The following CSMD3 variants were observed in gnomAD, a reference collection of about 807,000 sequenced individuals.
CSMD3 encodes CUB and Sushi multiple domains 3, also known as CUB and sushi domain-containing protein 3.
CSMD3 carries 177 observed loss-of-function variants against 435.2 expected under a neutral mutation model. That is an observed-to-expected ratio of 0.41 (90% CI 0.36 to 0.46). The LOEUF is 0.46. Ranked by LOEUF, CSMD3 falls within the 20% of genes least tolerant of loss-of-function variation. The probability of loss-of-function intolerance (pLI) is 0.34; values close to 1 mark genes in which losing one functional copy is unlikely to be tolerated. For synonymous variants in CSMD3, 1,656 were observed against 1,520.5 expected (o/e 1.09, Z -2.07); for missense variants, 4,265 against 4,504.6 (o/e 0.95, Z 1.52).
chr8:113,014,729 C>T (rs2086388491), intron 6 of CSMD3, among the ~76,000 whole-genome samples: 1 of 152,014 alleles, frequency 6.6e-6, no homozygotes, highest in Admixed American at 6.6e-5. Flanking sequence ...TGATCTCAGT[C>T]TTAAGACTCA....
chr8:112,834,560 A>G (rs2079968751), intron 11 of CSMD3, among the ~76,000 whole-genome samples: 1 of 151,706 alleles, frequency 6.6e-6, no homozygotes, highest in Non-Finnish European at 1.5e-5. Context: ...AATGACAACA[A>G]AACTTGTTCA....
chr8:112,224,318 A>G lies in CSMD3; in HGVS notation c.*453T>C, dbSNP rs938794605. ...AATGGCAGATAGAGTGGTATGAAAG[A>G]CAGATTTGTGGGCGTGATGTAGCTC... On this transcript the variant is annotated 3_prime_UTR_variant, in exon 71 of 71. Transcript: ENST00000297405. 1 of 169,110 alleles carries G rather than the reference A, an allele frequency of 5.9e-6. No individual in the cohort carries two copies. Among genetic ancestry groups the G allele is most frequent in the Admixed American group, 5.7e-5 (1 of 17,500 alleles). The allele number at this position is 169,110 out of a possible 1,614,324, so 10.5% of individuals were successfully genotyped here.
rs192325188 is a variant in CSMD3 at position 112,752,826 on chromosome 8, T to C, written c.1972+47336A>G. ...CCTCCAAAAGGACTGAAAATGAAAA[T>C]AGTTTATAAATGTTTCCTATAGTGT... is the stretch of plus-strand genomic sequence containing the variant. On this transcript the variant is annotated intron_variant, in intron 13 of 70. Transcript: ENST00000297405. Among the ~76,000 whole-genome samples, 200 of 151,998 alleles carry C rather than the reference T, an allele frequency of 1.3e-3. 1 individual carries two copies. The highest frequency in any genetic ancestry group is 2.2e-3 in the Non-Finnish European group (152 of 67,966).
intron 27 of CSMD3, among the ~76,000 whole-genome samples, chr8:112,528,732 C>T (rs1825231123): frequency 6.6e-6 from 1 of 152,110 alleles, no homozygotes; most frequent in Non-Finnish European, 1.5e-5. Flanking sequence ...CCAAAACTAG[C>T]AGAGAGATCC....
At chr8:112,766,414 C>T (rs910424121) in intron 13 of CSMD3, among the ~76,000 whole-genome samples, 1 of 151,306 alleles carries the variant, frequency 6.6e-6, no homozygotes, top group African/African-American at 2.4e-5. Flanking sequence ...TTTGCTGTGT[C>T]TTTCTTTATT....
intron 13 of CSMD3, among the ~76,000 whole-genome samples, chr8:112,770,819 C>T (rs1226503895): frequency 6.6e-6 from 1 of 151,782 alleles, no homozygotes; most frequent in Non-Finnish European, 1.5e-5. Context: ...ATAAGAAAAC[C>T]ATTTAGTCAG....
At chr8:113,404,146 T>C (rs1292272165) in intron 1 of CSMD3, among the ~76,000 whole-genome samples, 1 of 151,426 alleles carries the variant, frequency 6.6e-6, no homozygotes, top group Non-Finnish European at 1.5e-5. Flanking sequence ...TTGATCTGCC[T>C]TTTAAAAATC....
chr8:112,822,189 T>C (rs966118370), intron 12 of CSMD3, among the ~76,000 whole-genome samples: 17 of 152,144 alleles, frequency 1.1e-4, no homozygotes, highest in Non-Finnish European at 7.4e-5. Flanking sequence ...CCGTGAATAA[T>C]GTCAATGGTA....
chr8:112,614,584 T>C (rs1041448148), intron 22 of CSMD3, among the ~76,000 whole-genome samples: 1 of 152,134 alleles, frequency 6.6e-6, no homozygotes, highest in Non-Finnish European at 1.5e-5. Context: ...CACTTCAGGA[T>C]GAAGTGAATA....
intron 11 of CSMD3, among the ~76,000 whole-genome samples, chr8:112,841,854 GT>G (rs1347376493): frequency 1.3e-5 from 2 of 151,804 alleles, no homozygotes; most frequent in African/African-American, 2.4e-5. Context: ...TATCATTGAT[GT>G]GGGTGACTTT....
Position 112,282,029 on chromosome 8 carries a change from T to C in CSMD3, c.9332-679A>G, listed in dbSNP as rs1586643069. Reference sequence around the variant, plus strand: ...GTTTAACTATTTGTCAACAATATGTTAATTTTTAAACTATCTGACTTAAAA... The same window carrying C: ...GTTTAACTATTTGTCAACAATATGTCAATTTTTAAACTATCTGACTTAAAA... On this transcript the variant is annotated intron_variant, in intron 58 of 70. Transcript: ENST00000297405. Among the ~76,000 whole-genome samples the C allele has an allele frequency of 3.3e-5, 5 of 152,144 alleles. No individual in the cohort carries two copies. In the South Asian group the frequency reaches 1.0e-3, roughly 31 times the overall value.
At chr8:112,588,352 A>G (rs1375297953) in intron 22 of CSMD3, among the ~76,000 whole-genome samples, 3 of 151,912 alleles carry the variant, frequency 2.0e-5, no homozygotes, top group Admixed American at 6.6e-5. Flanking sequence ...AAATGATCAA[A>G]AAGAAGCACT....
intron 4 of CSMD3, 32 bp from the exon 5 acceptor site, chr8:113,098,995 G>T (rs113875579): frequency 2.9e-6 from 4 of 1,370,414 alleles, no homozygotes; most frequent in African/African-American, 1.4e-5. Context: ...TCAGTTGTAA[G>T]TTATTGAGAT....
At chr8:113,017,994 T>TTTCCA in intron 6 of CSMD3, among the ~76,000 whole-genome samples, 1 of 152,030 alleles carries the variant, frequency 6.6e-6, no homozygotes, top group East Asian at 1.9e-4. Context: ...TGCATTTATG[T>TTTCCA]TTCCATTCCA....
chr8:112,942,136 T>C (rs2083468905), intron 9 of CSMD3, among the ~76,000 whole-genome samples: 1 of 151,302 alleles, frequency 6.6e-6, no homozygotes. Context: ...TGACAACCAG[T>C]GTTTTTTTTT....
chr8:113,327,769 TA>T (rs530135184), intron 1 of CSMD3, among the ~76,000 whole-genome samples: 462 of 143,564 alleles, frequency 3.2e-3, no homozygotes, highest in Middle Eastern at 0.011. Flanking sequence ...CTCATTTGTT[TA>T]AAAAAAAAAA....
chr8:113,278,291 G>A (rs867589089), intron 3 of CSMD3, among the ~76,000 whole-genome samples: 1 of 151,770 alleles, frequency 6.6e-6, no homozygotes, highest in Non-Finnish European at 1.5e-5. Flanking sequence ...GGACTGTAGG[G>A]TAGGGTCTGT....
intron 59 of CSMD3, among the ~76,000 whole-genome samples, chr8:112,266,650 C>T (rs1240007170): frequency 6.6e-6 from 1 of 152,170 alleles, no homozygotes; most frequent in Non-Finnish European, 1.5e-5. Flanking sequence ...ATAATATTAT[C>T]GTTTCTTTAT....
At chr8:112,485,744 T>C (rs1820060167) in intron 31 of CSMD3, among the ~76,000 whole-genome samples, 1 of 152,150 alleles carries the variant, frequency 6.6e-6, no homozygotes, top group African/African-American at 2.4e-5. Flanking sequence ...TCTTATTTTT[T>C]GGTTTGTTTC....
Sources: gnomAD v4.1 joint callset for allele counts (sites outside exome capture counted in the v4.1 genomes callset) on GRCh38, gnomAD v4.1.1 for gene constraint, MANE v1.5 for transcripts, NCBI Gene and HGNC (gene_info 2026-07-23, HGNC 2026-07-21) for gene names.